Variants in CRPPA observed in about 807,000 individuals in gnomAD.
The protein encoded by CRPPA is CDP-L-ribitol pyrophosphorylase A.
A neutral mutation model predicts 52.0 loss-of-function variants in CRPPA; 43 were observed. The observed-to-expected ratio is 0.83, with a 90% CI of 0.65 to 1.07. The LOEUF is 1.07. CRPPA is among the 50% of genes least tolerant of loss of function. The probability of loss-of-function intolerance (pLI) is 0.00; values close to 1 mark genes in which losing one functional copy is unlikely to be tolerated. For synonymous variants in CRPPA, 250 were observed against 203.5 expected (o/e 1.23, Z -1.94); for missense variants, 629 against 551.7 (o/e 1.14, Z -1.40).
At chr7:16,315,780 T>C (rs1785131812) in intron 3 of CRPPA, among the ~76,000 whole-genome samples, 1 of 152,118 alleles carries the variant, frequency 6.6e-6, no homozygotes, top group Non-Finnish European at 1.5e-5. Flanking sequence ...TTGTCTATAC[T>C]GAGTCTCTAG....
intron 9 of CRPPA, among the ~76,000 whole-genome samples, chr7:16,166,642 T>C (rs1393803809): frequency 6.6e-6 from 1 of 152,166 alleles, no homozygotes; most frequent in Non-Finnish European, 1.5e-5. Context: ...TTGTTATCAA[T>C]TGGTTAAAAA....
chr7:16,398,549 A>G (rs1331971413), intron 2 of CRPPA, among the ~76,000 whole-genome samples: 2 of 152,206 alleles, frequency 1.3e-5, no homozygotes, highest in Non-Finnish European at 2.9e-5. Flanking sequence ...GACATAAGTG[A>G]CACGTGATCG....
rs1781735687 is a variant in CRPPA at position 16,088,190 on chromosome 7, C to A, written c.*3505G>T. On this transcript the variant is annotated 3_prime_UTR_variant, in exon 10 of 10. Coordinates refer to ENST00000407010, the MANE Select transcript of CRPPA (RefSeq NM_001101426.4). ...ACGCTATGATGAACTCCTAAGACGA[C>A]TAACTTTAATTTGCATTTAACTAAC... 6.6e-6 allele frequency: 1 copy of A among 152,106 alleles called. No homozygotes were observed. Among genetic ancestry groups the A allele is most frequent in the African/African-American group, 2.4e-5 (1 of 41,420 alleles). The allele number at this position is 152,106 out of a possible 1,614,324, so 9.4% of individuals were successfully genotyped here.
intron 9 of CRPPA, among the ~76,000 whole-genome samples, chr7:16,194,105 A>C (rs946622588): frequency 2.6e-5 from 4 of 152,184 alleles, no homozygotes; most frequent in African/African-American, 4.8e-5. Context: ...ATGAAAAACT[A>C]GAGTGACAGA....
rs2128360338 is a variant in CRPPA, at chr7:16,089,476, C to CAT, written c.*2217_*2218dup. On this transcript the variant is annotated 3_prime_UTR_variant, in exon 10 of 10. Coordinates refer to ENST00000407010, the MANE Select transcript of CRPPA (RefSeq NM_001101426.4). ...ACATATATGTGTATATATGTACGTACATATATACGGGTATATATGTACGTA... is the reference window on the plus strand; with the variant it reads ...ACATATATGTGTATATATGTACGTACATATATATACGGGTATATATGTACGTA... 2 of 313,568 alleles carry CAT rather than the reference C, an allele frequency of 6.4e-6. 1 individual carries two copies. Among genetic ancestry groups the CAT allele is most frequent in the Non-Finnish European group, 1.4e-5 (2 of 141,874 alleles). The allele number at this position is 313,568 out of a possible 1,614,324, so 19.4% of individuals were successfully genotyped here.
chr7:16,360,921 TA>T (rs551732497), intron 3 of CRPPA, among the ~76,000 whole-genome samples: 1 of 151,792 alleles, frequency 6.6e-6, no homozygotes, highest in African/African-American at 2.4e-5. Flanking sequence ...GATGTATCAA[TA>T]AAAAAAGCAA....
chr7:16,379,999 T>C (rs1384243433), intron 2 of CRPPA, among the ~76,000 whole-genome samples: 1 of 151,808 alleles, frequency 6.6e-6, no homozygotes, highest in African/African-American at 2.4e-5. Flanking sequence ...CCTGCCTAAT[T>C]GCCCTGGCCA....
At chr7:16,202,515 G>T (rs1781882872) in intron 9 of CRPPA, among the ~76,000 whole-genome samples, 1 of 152,096 alleles carries the variant, frequency 6.6e-6, no homozygotes, top group African/African-American at 2.4e-5. Context: ...GAAATAAAGT[G>T]ATAAACCAGA....
At chr7:16,333,679 C>G (rs1007079764) in intron 3 of CRPPA, among the ~76,000 whole-genome samples, 18 of 152,018 alleles carry the variant, frequency 1.2e-4, no homozygotes, top group African/African-American at 4.3e-4. Context: ...AAAATTATAG[C>G]AAATAAAATG....
At chr7:16,167,626 C>T (rs1781094937) in intron 9 of CRPPA, among the ~76,000 whole-genome samples, 1 of 152,148 alleles carries the variant, frequency 6.6e-6, no homozygotes, top group Admixed American at 6.5e-5. Context: ...TGCTTATCAG[C>T]TGTCTTATTT....
intron 4 of CRPPA, among the ~76,000 whole-genome samples, chr7:16,305,388 G>A (rs1353210509): frequency 2.0e-5 from 3 of 152,288 alleles, no homozygotes; most frequent in East Asian, 3.9e-4. Flanking sequence ...GACTTTTAGG[G>A]TCCAAGCTCC....
chr7:16,383,024 A>G (rs1787153871), intron 2 of CRPPA, among the ~76,000 whole-genome samples: 2 of 152,022 alleles, frequency 1.3e-5, no homozygotes, highest in Admixed American at 1.3e-4. Flanking sequence ...GCTTTGTTCC[A>G]TTGCTGGTGA....
chr7:16,144,206 G>C (rs1328993442), intron 9 of CRPPA, among the ~76,000 whole-genome samples: 1 of 152,170 alleles, frequency 6.6e-6, no homozygotes, highest in Non-Finnish European at 1.5e-5. Context: ...CTCCTCCCCA[G>C]TCCTGCCAAG....
At chr7:16,373,864 T>C (rs993678494) in intron 3 of CRPPA, among the ~76,000 whole-genome samples, 1 of 152,136 alleles carries the variant, frequency 6.6e-6, no homozygotes, top group Non-Finnish European at 1.5e-5. Context: ...ATCTGTGACC[T>C]TCCAGCACCA....
At chr7:16,105,597 G>A (rs1782135222) in intron 9 of CRPPA, among the ~76,000 whole-genome samples, 1 of 152,102 alleles carries the variant, frequency 6.6e-6, no homozygotes, top group Non-Finnish European at 1.5e-5. Context: ...AGATCTTGGT[G>A]GTACCTCTGT....
intron 5 of CRPPA, among the ~76,000 whole-genome samples, chr7:16,281,171 C>T (rs1431011226): frequency 2.0e-5 from 3 of 152,168 alleles, no homozygotes; most frequent in Non-Finnish European, 2.9e-5. Context: ...ATAGAAATGA[C>T]ATCTTTAAAA....
At chr7:16,374,701 A>C (rs1216382736) in intron 3 of CRPPA, among the ~76,000 whole-genome samples, 1 of 152,086 alleles carries the variant, frequency 6.6e-6, no homozygotes, top group Non-Finnish European at 1.5e-5. Flanking sequence ...ATTCCCAGCC[A>C]AGGTCAACTT....
chr7:16,386,630 CT>C (rs2128313957), intron 2 of CRPPA, among the ~76,000 whole-genome samples: 1 of 152,202 alleles, frequency 6.6e-6, no homozygotes, highest in South Asian at 2.1e-4. Context: ...TAAAGGTGTA[CT>C]GGATTAAGGA....
chr7:16,326,368 T>C (rs1287819162), intron 3 of CRPPA, among the ~76,000 whole-genome samples: 8 of 152,146 alleles, frequency 5.3e-5, no homozygotes, highest in Admixed American at 1.3e-4. Flanking sequence ...AGGAAACATA[T>C]GTAGATATTG....
Sources: gnomAD v4.1 joint callset for allele counts (sites outside exome capture counted in the v4.1 genomes callset) on GRCh38, gnomAD v4.1.1 for gene constraint, MANE v1.5 for transcripts, NCBI Gene and HGNC (gene_info 2026-07-23, HGNC 2026-07-21) for gene names.